RPH3AL: variants seen among roughly 807,000 people sequenced by gnomAD.
RPH3AL encodes rabphilin 3A like (without C2 domains).
In RPH3AL, 38 loss-of-function variants were observed where a neutral mutation model predicts 43.1. The ratio of observed to expected loss-of-function variants is 0.88; its 90% CI spans 0.68 to 1.15. The LOEUF (loss-of-function observed/expected upper bound fraction) is 1.15. RPH3AL is among the 50% of genes most tolerant of loss of function. The pLI is 0.00. For missense variants in RPH3AL, 462 were observed against 423.2 expected (o/e 1.09, Z -0.81); for synonymous variants, 189 against 176.3 (o/e 1.07, Z -0.57).
Position 327,544 on chromosome 17 carries a change from G to A in RPH3AL, c.-1C>T, listed in dbSNP as rs1216660570. On this transcript the variant is annotated 5_prime_UTR_variant, in exon 3 of 10. Coordinates refer to ENST00000331302, the MANE Select transcript of RPH3AL (RefSeq NM_006987.4). ...CGCTGCCGAAGATGGTGTCGGCCATGGCTCGGAGCACCCGGCTGGGGGTGG... is the reference window on the plus strand; with the variant it reads ...CGCTGCCGAAGATGGTGTCGGCCATAGCTCGGAGCACCCGGCTGGGGGTGG... 2 of 1,613,656 alleles carry A rather than the reference G, an allele frequency of 1.2e-6. No individual in the cohort carries two copies. Among genetic ancestry groups the A allele is most frequent in the Admixed American group, 1.7e-5 (1 of 60,018 alleles).
chr17:258,173 T>A (rs1371872378), intron 6 of RPH3AL, among the ~76,000 whole-genome samples: 1 of 152,180 alleles, frequency 6.6e-6, no homozygotes, highest in Non-Finnish European at 1.5e-5. Context: ...GCTTCCCCCT[T>A]TTCGCTGGTC....
At chr17:314,451 G>A (rs1555518160) in intron 5 of RPH3AL, among the ~76,000 whole-genome samples, 4 of 126,486 alleles carry the variant, frequency 3.2e-5, no homozygotes, top group Non-Finnish European at 3.4e-5. Flanking sequence ...CACCTCCATT[G>A]ACCTGTAGTC....
chr17:328,261 G>A lies in RPH3AL; in HGVS notation c.-36-682C>T, dbSNP rs1281135373. Among the ~76,000 whole-genome samples the A allele has an allele frequency of 6.6e-6, 1 of 151,486 alleles. No homozygotes were observed. The highest frequency in any genetic ancestry group is 1.5e-5 in the Non-Finnish European group (1 of 67,906). On this transcript the variant is annotated intron_variant, in intron 2 of 9. Coordinates refer to ENST00000331302, the MANE Select transcript of RPH3AL (RefSeq NM_006987.4). The surrounding 1 kb of genome is among the most constrained non-coding windows in gnomAD (Gnocchi z 4.2). ...CACCTGTGCACTGTCTAGTGTGCCG[G>A]CTTTCTCCCTGCCTCCCAGGACAGG... is the stretch of plus-strand genomic sequence containing the variant.
At chr17:305,568 G>A (rs1567632045) in intron 5 of RPH3AL, among the ~76,000 whole-genome samples, 1 of 152,066 alleles carries the variant, frequency 6.6e-6, no homozygotes, top group Non-Finnish European at 1.5e-5. Flanking sequence ...CCCAGCGGTG[G>A]TCCCAGCCCC....
intron 6 of RPH3AL, among the ~76,000 whole-genome samples, chr17:279,634 C>T (rs534200234): frequency 6.6e-6 from 1 of 152,270 alleles, no homozygotes; most frequent in East Asian, 1.9e-4. Context: ...TTTGTCTTTC[C>T]TTCCATTCAC....
At chr17:277,870 G>A (rs1259039748) in intron 6 of RPH3AL, among the ~76,000 whole-genome samples, 2 of 152,056 alleles carry the variant, frequency 1.3e-5, no homozygotes, top group Non-Finnish European at 2.9e-5. Context: ...GGGGAGGGTT[G>A]TTTGAGCCCT....
intron 1 of RPH3AL, among the ~76,000 whole-genome samples, chr17:340,786 A>G (rs1411835359): frequency 2.1e-4 from 2 of 9,732 alleles, no homozygotes; most frequent in Non-Finnish European, 3.4e-4. Context: ...GCCTCCCCAC[A>G]TCCACACTCA....
chr17:215,707 C>A lies in RPH3AL; in HGVS notation c.823G>T (p.Gly275Cys). 1 of 1,285,492 alleles carries A rather than the reference C, an allele frequency of 7.8e-7. No homozygotes were observed. The highest frequency in any genetic ancestry group is 9.9e-7 in the Non-Finnish European group (1 of 1,011,622). 79.6% of individuals were successfully genotyped at this position (1,285,492 alleles called of 1,614,324 possible). ...GGTCCCCCTGGCGGGTCAGCAGAGC[C>A]TGTCCCCGTCTCACCACTGGCCAGG... The part of the protein sequence containing the change: ...SSLASGETGT[G>C]SADPPGGPRP... The change falls in exon 9 of 10, where the codon GGC becomes TGC. Residue 275 changes from glycine (G) to cysteine (C), a missense_variant. Transcript: ENST00000331302. This position sits in a 1 kb window ranked among gnomAD's most constrained non-coding sequence, Gnocchi z 4.1.
intron 7 of RPH3AL, among the ~76,000 whole-genome samples, chr17:228,847 T>G (rs2151511746): frequency 6.6e-6 from 1 of 152,242 alleles, no homozygotes; most frequent in East Asian, 1.9e-4. Context: ...CTCTGGACCC[T>G]TTTTCTGTCG....
chr17:338,378 A>G (rs977880849), intron 1 of RPH3AL, among the ~76,000 whole-genome samples: 3 of 151,808 alleles, frequency 2.0e-5, no homozygotes, highest in Non-Finnish European at 2.9e-5. Flanking sequence ...GGATCACTTG[A>G]GCCCAGGAGA....
intron 3 of RPH3AL, among the ~76,000 whole-genome samples, chr17:325,897 T>C (rs2044608192): frequency 6.6e-6 from 1 of 152,160 alleles, no homozygotes; most frequent in Non-Finnish European, 1.5e-5. Context: ...GCCTCTCCTT[T>C]CCAGAGACTG....
At position 213,652 on chromosome 17, in the gene RPH3AL, G is replaced by A. The variant is rs1023821789; in HGVS notation, c.*200C>T. ...GGGCTGAGGGCAGTGGTTGGAGGGGGTGGCGGATGCAGACAGCTCCCCAGG... is the reference window on the plus strand; with the variant it reads ...GGGCTGAGGGCAGTGGTTGGAGGGGATGGCGGATGCAGACAGCTCCCCAGG... On this transcript the variant is annotated 3_prime_UTR_variant, in exon 10 of 10. Coordinates refer to ENST00000331302, the MANE Select transcript of RPH3AL (RefSeq NM_006987.4). 1 of 606,876 alleles carries A rather than the reference G, an allele frequency of 1.6e-6. No homozygotes were observed. The highest frequency in any genetic ancestry group is 1.8e-5 in the African/African-American group (1 of 54,304). The allele number at this position is 606,876 out of a possible 1,614,324, so 37.6% of individuals were successfully genotyped here. A position where few individuals can be genotyped will look rare whatever the true frequency, so the allele number is the denominator to read the frequency against.
intron 6 of RPH3AL, among the ~76,000 whole-genome samples, chr17:259,438 A>C (rs529176250): frequency 1.3e-5 from 2 of 152,266 alleles, no homozygotes; most frequent in African/African-American, 4.8e-5. Flanking sequence ...CGGCAGCCTT[A>C]ATCACGTAAC....
Position 322,182 on chromosome 17 carries a change from C to A in RPH3AL, c.78-767G>T, listed in dbSNP as rs72806069. ...CGGAGGTTGAGCTGTCTCTGCTCCA[C>A]TGGGCTGCGGGACTGACGCCTCCTG... On this transcript the variant is annotated intron_variant, in intron 3 of 9. Coordinates refer to ENST00000331302, the MANE Select transcript of RPH3AL (RefSeq NM_006987.4). This position sits in a 1 kb window ranked among gnomAD's most constrained non-coding sequence, Gnocchi z 4.0. 0.17 allele frequency: 26,342 copies of A among 152,270 alleles called. 3,020 individuals are homozygous for A. The highest frequency in any genetic ancestry group is 0.37 in the East Asian group (1,885 of 5,158). The allele number at this position is 152,270 out of a possible 1,614,324, so 9.4% of individuals were successfully genotyped here.
At chr17:285,088 G>A (rs2042874553) in intron 5 of RPH3AL, among the ~76,000 whole-genome samples, 1 of 152,164 alleles carries the variant, frequency 6.6e-6, no homozygotes, top group Admixed American at 6.5e-5. Context: ...TCAGTCCACA[G>A]CAGCGCCCGA....
chr17:310,962 C>G (rs2043630843), intron 5 of RPH3AL, among the ~76,000 whole-genome samples: 2 of 152,148 alleles, frequency 1.3e-5, no homozygotes, highest in South Asian at 2.1e-4. Flanking sequence ...CCTGGAGTCC[C>G]AGGCCCTCCA....
intron 2 of RPH3AL, among the ~76,000 whole-genome samples, chr17:327,978 G>C (rs1335184443): frequency 6.6e-6 from 1 of 152,160 alleles, no homozygotes; most frequent in African/African-American, 2.4e-5. Context: ...GGAGGGGCTG[G>C]GCTGGGGGGT....
At chr17:280,583 T>A (rs1206061497) in intron 6 of RPH3AL, among the ~76,000 whole-genome samples, 1 of 152,180 alleles carries the variant, frequency 6.6e-6, no homozygotes, top group Admixed American at 6.5e-5. Flanking sequence ...AGAAACGGAC[T>A]ATTATCACAC....
chr17:270,742 C>G lies in RPH3AL; in HGVS notation c.438+11026G>C, dbSNP rs555194371. On this transcript the variant is annotated intron_variant, in intron 6 of 9. Coordinates refer to ENST00000331302, the MANE Select transcript of RPH3AL (RefSeq NM_006987.4). ...CTGTAGGTTGCCTGTTCACTTTGAT[C>G]ATAGTTTCCTTTGCTGTGTGGAAGC... Among the ~76,000 whole-genome samples, 14 of 151,906 alleles carry G rather than the reference C, an allele frequency of 9.2e-5. 1 individual carries two copies. The highest frequency in any genetic ancestry group is 7.8e-4 in the East Asian group (4 of 5,160).
Sources: allele counts gnomAD v4.1 joint callset (sites outside exome capture counted in the v4.1 genomes callset), GRCh38; gene constraint gnomAD v4.1.1; non-coding constraint Gnocchi (gnomAD v3.1); transcripts MANE v1.5; gene names NCBI Gene and HGNC (gene_info 2026-07-23, HGNC 2026-07-21).